Variants in POU2AF2 observed in about 807,000 individuals in gnomAD.
POU2AF2 encodes POU domain class 2-associating factor 2.
chr11:111,284,308 G>A, the POU2AF2 span: 25 of 1,612,652 alleles, frequency 1.6e-5, no homozygotes, highest in Admixed American at 3.3e-4. Flanking sequence ...CGGGCTCTCT[G>A]TTCAGCGCCT....
chr11:111,276,750 GA>G, the POU2AF2 span, among the ~76,000 whole-genome samples: 514 of 132,800 alleles, frequency 3.9e-3, no homozygotes, highest in African/African-American at 7.2e-3. Flanking sequence ...AAAGTGCTAA[GA>G]AAAAAAAAAA....
chr11:111,273,998 A>C, the POU2AF2 span, among the ~76,000 whole-genome samples: 6 of 152,292 alleles, frequency 3.9e-5, no homozygotes, highest in Middle Eastern at 3.4e-3. Flanking sequence ...TGTTAATTTC[A>C]ATGTTATTTT....
chr11:111,268,020 A>C, the POU2AF2 span, among the ~76,000 whole-genome samples: 2 of 152,202 alleles, frequency 1.3e-5, no homozygotes, highest in African/African-American at 2.4e-5. Flanking sequence ...TGGTGGTGCT[A>C]AACAACAATG....
At chr11:111,285,586 C>T in the POU2AF2 span, 1 of 1,526,694 alleles carries the variant, frequency 6.6e-7, no homozygotes, top group Non-Finnish European at 8.8e-7. Flanking sequence ...CACAGTCTGG[C>T]AGCACACAAT....
At chr11:111,277,144 T>C in the POU2AF2 span, among the ~76,000 whole-genome samples, 1 of 152,228 alleles carries the variant, frequency 6.6e-6, no homozygotes, top group East Asian at 1.9e-4. Flanking sequence ...AGGTTTAAGA[T>C]ATTGTTTGTA....
the POU2AF2 span, among the ~76,000 whole-genome samples, chr11:111,283,037 TCCA>T: frequency 2.0e-5 from 3 of 149,286 alleles, no homozygotes; most frequent in Non-Finnish European, 4.4e-5. Flanking sequence ...CCTCCCTCTC[TCCA>T]CCAAGGAAAA....
the POU2AF2 span, among the ~76,000 whole-genome samples, chr11:111,249,186 A>G: frequency 6.6e-6 from 1 of 152,224 alleles, no homozygotes; most frequent in Admixed American, 6.5e-5. Context: ...GTATTTGAAT[A>G]AAAACTCTTA....
the POU2AF2 span, among the ~76,000 whole-genome samples, chr11:111,252,148 C>G: frequency 3.5e-4 from 54 of 152,328 alleles, no homozygotes; most frequent in East Asian, 3.5e-3. Context: ...CCAGGCCCTC[C>G]TCCTTCCCAG....
chr11:111,275,859 A>G, the POU2AF2 span, among the ~76,000 whole-genome samples: 1 of 152,226 alleles, frequency 6.6e-6, no homozygotes, highest in African/African-American at 2.4e-5. Context: ...TGAATATAAA[A>G]ATTCAATGTG....
At chr11:111,284,517 G>C in the POU2AF2 span, 1 of 1,045,860 alleles carries the variant, frequency 9.6e-7, no homozygotes, top group African/African-American at 1.6e-5. Flanking sequence ...CAGCTGCCTA[G>C]AGATGCCAGG....
chr11:111,277,182 T>C, the POU2AF2 span, among the ~76,000 whole-genome samples: 1 of 152,180 alleles, frequency 6.6e-6, no homozygotes, highest in East Asian at 1.9e-4. Flanking sequence ...ATGGTAAAAT[T>C]GTAAGGGTAA....
chr11:111,264,563 A>G, the POU2AF2 span, among the ~76,000 whole-genome samples: 270 of 61,194 alleles, frequency 4.4e-3, 27 homozygotes, highest in African/African-American at 0.016. Context: ...AAAGAAAGAA[A>G]GAAAGAAAGA....
the POU2AF2 span, among the ~76,000 whole-genome samples, chr11:111,259,292 C>T: frequency 6.6e-6 from 1 of 150,746 alleles, no homozygotes; most frequent in Non-Finnish European, 1.5e-5. Context: ...TAGCAGATGA[C>T]TCCTAATTCC....
At chr11:111,276,453 A>ATATATATATATATATATAT in the POU2AF2 span, among the ~76,000 whole-genome samples, 1 of 37,692 alleles carries the variant, frequency 2.7e-5, no homozygotes, top group Non-Finnish European at 5.0e-5. Flanking sequence ...AAAAAAAAAA[A>ATATATATATATATATATAT]ATATATATAT....
the POU2AF2 span, among the ~76,000 whole-genome samples, chr11:111,269,501 C>T: frequency 1.3e-5 from 2 of 152,044 alleles, no homozygotes; most frequent in Non-Finnish European, 2.9e-5. Flanking sequence ...TTTTCAGCTG[C>T]TCTATTGGTT....
the POU2AF2 span, among the ~76,000 whole-genome samples, chr11:111,256,960 C>G: frequency 6.6e-6 from 1 of 152,188 alleles, no homozygotes; most frequent in South Asian, 2.1e-4. Context: ...ATCTGCCATC[C>G]ATGTCTTTAT....
the POU2AF2 span, among the ~76,000 whole-genome samples, chr11:111,247,084 T>C: frequency 0.01 from 1,527 of 152,268 alleles, 18 homozygotes; most frequent in African/African-American, 0.035. Flanking sequence ...CTGTCTGGCT[T>C]GTTTCACTTA....
At chr11:111,280,057 A>AATATATATAT in the POU2AF2 span, among the ~76,000 whole-genome samples, 251 of 76,398 alleles carry the variant, frequency 3.3e-3, 1 homozygote, top group Middle Eastern at 6.7e-3. Context: ...AAAAAAAAAA[A>AATATATATAT]ATATATATAT....
At chr11:111,271,854 T>C in the POU2AF2 span, among the ~76,000 whole-genome samples, 1 of 150,570 alleles carries the variant, frequency 6.6e-6, no homozygotes, top group African/African-American at 2.5e-5. Flanking sequence ...CTCTACTAAA[T>C]ACAAAAAAAA....
Sources: allele counts gnomAD v4.1 joint callset (sites outside exome capture counted in the v4.1 genomes callset), GRCh38; gene constraint gnomAD v4.1.1; transcripts MANE v1.5; gene names NCBI Gene and HGNC (gene_info 2026-07-23, HGNC 2026-07-21).